The following MCF2L2 variants were observed in gnomAD, a reference collection of about 807,000 sequenced individuals.
MCF2L2 encodes the protein MCF.2 cell line derived transforming sequence-like 2, also known as probable guanine nucleotide exchange factor MCF2L2.
A neutral mutation model predicts 150.2 loss-of-function variants in MCF2L2; 102 were observed. The ratio of observed to expected loss-of-function variants is 0.68; its 90% CI spans 0.58 to 0.80. MCF2L2 has a LOEUF of 0.80. MCF2L2 is among the 30% of genes least tolerant of loss of function. The pLI is 0.00. For missense variants in MCF2L2, 1,256 were observed against 1,372.8 expected (o/e 0.91, Z 1.34); for synonymous variants, 465 against 491.3 (o/e 0.95, Z 0.71).
chr3:183,270,701 GT>G lies in MCF2L2; in HGVS notation c.1862+6170del, dbSNP rs770372662. 4 of 1,613,648 alleles carry G rather than the reference GT, an allele frequency of 2.5e-6. No homozygotes were observed. In the African/African-American group the frequency reaches 5.3e-5, roughly 22 times the overall value. ...TAGGGATAGTACCGCAGGACCATGTGTTTTTTTCTGGAGAGGGTAAAACTCC... is the reference window on the plus strand; with the variant it reads ...TAGGGATAGTACCGCAGGACCATGTGTTTTTTCTGGAGAGGGTAAAACTCC... On this transcript the variant is annotated intron_variant, in intron 15 of 29. Transcript: ENST00000328913. The surrounding 1 kb of genome is among the most constrained non-coding windows in gnomAD (Gnocchi z 4.5).
intron 2 of MCF2L2, among the ~76,000 whole-genome samples, chr3:183,388,208 A>G (rs963561449): frequency 2.0e-5 from 3 of 152,206 alleles, no homozygotes; most frequent in African/African-American, 7.2e-5. Flanking sequence ...GAGATGAGCC[A>G]TTGTGTAATT....
chr3:183,184,786 G>A (rs1721638285), intron 27 of MCF2L2, among the ~76,000 whole-genome samples: 2 of 152,322 alleles, frequency 1.3e-5, no homozygotes, highest in South Asian at 4.1e-4. Flanking sequence ...ACTGTCCAGT[G>A]GATGGCACAA....
intron 18 of MCF2L2, chr3:183,226,051 G>A (rs1334117862): frequency 2.6e-5 from 4 of 152,174 alleles, no homozygotes; most frequent in Non-Finnish European, 2.9e-5. Context: ...TACCATGTGA[G>A]ATCTCAGAGT....
At chr3:183,398,108 A>G (rs1577123204) in intron 1 of MCF2L2, among the ~76,000 whole-genome samples, 2 of 152,236 alleles carry the variant, frequency 1.3e-5, no homozygotes, top group South Asian at 2.1e-4. Context: ...CTGCCCATCA[A>G]AATGTCACAG....
chr3:183,366,235 T>C (rs1038102059), intron 3 of MCF2L2, among the ~76,000 whole-genome samples: 1 of 152,232 alleles, frequency 6.6e-6, no homozygotes, highest in Non-Finnish European at 1.5e-5. Context: ...CACTGGATGC[T>C]ACAAATCGAT....
At chr3:183,196,975 G>A (rs1205787295) in intron 25 of MCF2L2, among the ~76,000 whole-genome samples, 2 of 151,938 alleles carry the variant, frequency 1.3e-5, no homozygotes, top group Non-Finnish European at 2.9e-5. Context: ...TTTTTGCAGG[G>A]CCAGGAAGGC....
chr3:183,226,693 C>T (rs1045194485), intron 18 of MCF2L2: 27 of 152,318 alleles, frequency 1.8e-4, no homozygotes, highest in African/African-American at 6.3e-4. Flanking sequence ...AGGAACTTTG[C>T]CCATTTCTCA....
rs1041732630 is a variant in MCF2L2, at chr3:183,428,185, G to C, written c.-208C>G. On this transcript the variant is annotated 5_prime_UTR_variant, in exon 1 of 30. Coordinates refer to ENST00000328913, the MANE Select transcript of MCF2L2 (RefSeq NM_015078.4). This position sits in a 1 kb window ranked among gnomAD's most constrained non-coding sequence, Gnocchi z 5.1. ...GGGGCTCCCGTGACAGACCAAGTCT[G>C]GCGCTTTCCCAGCGTCGCAGCTGGA... 2 of 542,254 alleles carry C rather than the reference G, an allele frequency of 3.7e-6. No individual in the cohort carries two copies. Among genetic ancestry groups the C allele is most frequent in the African/African-American group, 4.0e-5 (2 of 50,454 alleles). The allele number at this position is 542,254 out of a possible 1,614,324, so 33.6% of individuals were successfully genotyped here.
chr3:183,257,235 C>A (rs745457513), intron 15 of MCF2L2, among the ~76,000 whole-genome samples: 5 of 152,202 alleles, frequency 3.3e-5, no homozygotes, highest in Admixed American at 2.6e-4. Context: ...AAGTCGAGCT[C>A]ATGTGACTAG....
At chr3:183,278,750 T>C (rs954282364) in intron 14 of MCF2L2, among the ~76,000 whole-genome samples, 4 of 152,234 alleles carry the variant, frequency 2.6e-5, no homozygotes. Flanking sequence ...GGGTGGATCA[T>C]AGAGTCTTAT....
At chr3:183,202,658 A>G (rs1289732009) in intron 25 of MCF2L2, among the ~76,000 whole-genome samples, 1 of 152,254 alleles carries the variant, frequency 6.6e-6, no homozygotes, top group Non-Finnish European at 1.5e-5. Context: ...ATTAGTATTT[A>G]GATCACTAAG....
chr3:183,272,053 T>C (rs1726825777), intron 15 of MCF2L2: 1 of 600,308 alleles, frequency 1.7e-6, no homozygotes, highest in Non-Finnish European at 2.2e-6. Flanking sequence ...CATCAATAAC[T>C]GTCAGAGGTG....
chr3:183,207,473 C>G (rs1722535630), intron 23 of MCF2L2, 135 bp downstream of exon 23: 1 of 680,710 alleles, frequency 1.5e-6, no homozygotes. Context: ...GCTATGGATT[C>G]TAGCCCTGTG....
In MCF2L2 at chr3:183,207,952, A is replaced by G. The variant is rs1427663294; in HGVS notation, c.2497-129T>C. 7 of 715,128 alleles carry G rather than the reference A, an allele frequency of 9.8e-6. No individual in the cohort carries two copies. In the African/African-American group the frequency reaches 1.1e-4, roughly 11 times the overall value. 44.3% of individuals were successfully genotyped at this position (715,128 alleles called of 1,614,324 possible). Reference sequence around the variant, plus strand: ...GTTTACAATTCTAAAAGTGCTATTCAGGCTGGTCTGTCACTAAATCAAAAC... The same window carrying G: ...GTTTACAATTCTAAAAGTGCTATTCGGGCTGGTCTGTCACTAAATCAAAAC... On this transcript the variant is annotated intron_variant, in intron 22 of 29. Coordinates refer to ENST00000328913, the MANE Select transcript of MCF2L2 (RefSeq NM_015078.4).
rs544518996 is a variant in MCF2L2, at chr3:183,414,467, CTT to C, written c.76+13433_76+13434del. Among the ~76,000 whole-genome samples the C allele has an allele frequency of 7.9e-5, 12 of 152,150 alleles. No homozygotes were observed. The South Asian group carries it at 1.0e-3, about 13-fold the overall frequency. ...GTCATTTACGCCTTCTCTTTTTTCT[CTT>C]GTTACTCTATAGCTAAAGGTTAATT... On this transcript the variant is annotated intron_variant, in intron 1 of 29. Transcript: ENST00000328913.
intron 15 of MCF2L2, among the ~76,000 whole-genome samples, chr3:183,258,040 T>C (rs1273761033): frequency 7.6e-6 from 1 of 132,048 alleles, no homozygotes; most frequent in African/African-American, 2.8e-5. Context: ...CCATCTCGGC[T>C]CACCGCAACC....
intron 12 of MCF2L2, 76 bp from the exon 13 acceptor site, chr3:183,295,553 C>T: frequency 7.1e-7 from 1 of 1,413,916 alleles, no homozygotes; most frequent in South Asian, 1.2e-5. Flanking sequence ...TTCCCTTTCT[C>T]CCACCTTCCC....
intron 15 of MCF2L2, among the ~76,000 whole-genome samples, chr3:183,273,944 A>G (rs1319075049): frequency 1.3e-5 from 2 of 152,122 alleles, no homozygotes; most frequent in Non-Finnish European, 1.5e-5. Context: ...GCCAGGCGCC[A>G]TGGCTCACGC....
At position 183,396,524 on chromosome 3, in the gene MCF2L2, T is replaced by C. The variant is rs146073714; in HGVS notation, c.77-6745A>G. 3.6e-4 allele frequency among the ~76,000 whole-genome samples: 55 copies of C among 152,324 alleles called. No homozygotes were observed. In the East Asian group the frequency reaches 8.7e-3, roughly 24 times the overall value. On this transcript the variant is annotated intron_variant, in intron 1 of 29. Coordinates refer to ENST00000328913, the MANE Select transcript of MCF2L2 (RefSeq NM_015078.4). Reference sequence around the variant, plus strand: ...ACAATTACATTTTACTTAGATCACATTGACTTTAGATGACTGTTCTCAACA... The same window carrying C: ...ACAATTACATTTTACTTAGATCACACTGACTTTAGATGACTGTTCTCAACA...
Sources: allele counts gnomAD v4.1 joint callset (sites outside exome capture counted in the v4.1 genomes callset), GRCh38; gene constraint gnomAD v4.1.1; non-coding constraint Gnocchi (gnomAD v3.1); transcripts MANE v1.5; gene names NCBI Gene and HGNC (gene_info 2026-07-23, HGNC 2026-07-21).